The following CMIP variants were observed in gnomAD, a reference collection of about 807,000 sequenced individuals.
CMIP encodes C-Maf-inducing protein.
CMIP carries 13 observed loss-of-function variants against 97.3 expected under a neutral mutation model. The observed-to-expected ratio is 0.13, with a 90% CI of 0.09 to 0.21. The LOEUF is 0.21. CMIP is among the 10% of genes least tolerant of loss of function. The pLI is 1.00. For synonymous variants in CMIP, 538 were observed against 436.3 expected (o/e 1.23, Z -2.91); for missense variants, 847 against 1,024.9 (o/e 0.83, Z 2.37).
At chr16:81,603,298 G>A (rs2091688160) in intron 1 of CMIP, 2 of 433,010 alleles carry the variant, frequency 4.6e-6, no homozygotes, top group South Asian at 3.2e-5. Context: ...AGCCAGGATG[G>A]TCTCGATCAA....
intron 16 of CMIP, 39 bp downstream of exon 16, chr16:81,701,839 C>CA (rs775517512): frequency 6.2e-7 from 1 of 1,611,194 alleles, no homozygotes; most frequent in South Asian, 1.1e-5. Flanking sequence ...CCCTGCCCAG[C>CA]AGGCCAGGGG....
chr16:81,607,479 G>T (rs1597140707), intron 1 of CMIP, 88 bp from the exon 2 acceptor site: 10 of 1,529,814 alleles, frequency 6.5e-6, no homozygotes, highest in Non-Finnish European at 8.9e-6. Flanking sequence ...CGCCAGAGGG[G>T]CGATGTTTCC....
At chr16:81,630,273 GC>G (rs2092137548) in intron 3 of CMIP, 1 of 152,276 alleles carries the variant, frequency 6.6e-6, no homozygotes, top group Non-Finnish European at 1.5e-5. Flanking sequence ...AGGAAAACAG[GC>G]TCTTGGTGTC....
At chr16:81,603,530 G>A in intron 1 of CMIP, 1 of 444,920 alleles carries the variant, frequency 2.2e-6, no homozygotes, top group Non-Finnish European at 4.5e-6. Context: ...GTCACAACTT[G>A]TGAACCAATA....
In CMIP at chr16:81,627,280, G is replaced by A. The variant is rs1460502351; in HGVS notation, c.477+6354G>A. Among the ~76,000 whole-genome samples the A allele has an allele frequency of 6.6e-6, 1 of 151,984 alleles. No individual in the cohort carries two copies. Among genetic ancestry groups the A allele is most frequent in the Non-Finnish European group, 1.5e-5 (1 of 67,962 alleles). On this transcript the variant is annotated intron_variant, in intron 3 of 20. Coordinates refer to ENST00000537098, the MANE Select transcript of CMIP (RefSeq NM_198390.3). The surrounding 1 kb of genome is among the most constrained non-coding windows in gnomAD (Gnocchi z 4.6). ...GGGATACTATGAGTATGCTGGTTTG[G>A]AGTGTGTTTCTTTGGGCCTCAGTTT...
chr16:81,693,285 TC>T (rs769624138), intron 12 of CMIP, 101 bp downstream of exon 12: 1 of 1,400,140 alleles, frequency 7.1e-7, no homozygotes, highest in Admixed American at 1.9e-5. Flanking sequence ...CAGTGGTGGC[TC>T]CTCTTGGCAG....
chr16:81,693,617 T>C, intron 13 of CMIP, 130 bp downstream of exon 13: 1 of 971,486 alleles, frequency 1.0e-6, no homozygotes, highest in Non-Finnish European at 1.5e-6. Flanking sequence ...CCATTGCCTG[T>C]GTATAAACAC....
chr16:81,645,621 C>T (rs774847494), intron 3 of CMIP: 1 of 1,535,396 alleles, frequency 6.5e-7, no homozygotes, highest in Non-Finnish European at 8.7e-7. Flanking sequence ...CCTTGACAAG[C>T]AGAGAGGGTG....
intron 1 of CMIP, among the ~76,000 whole-genome samples, chr16:81,570,787 C>G (rs1444854543): frequency 1.3e-5 from 2 of 152,180 alleles, no homozygotes; most frequent in East Asian, 1.9e-4. Context: ...CCAATCCAAG[C>G]CTTTGGGTCG....
At chr16:81,506,462 TG>T (rs2089710832) in intron 1 of CMIP, among the ~76,000 whole-genome samples, 1 of 152,262 alleles carries the variant, frequency 6.6e-6, no homozygotes, top group Non-Finnish European at 1.5e-5. Context: ...TGCAATTTAT[TG>T]TTTTTTAAAG....
At chr16:81,532,116 C>T (rs139848155) in intron 1 of CMIP, among the ~76,000 whole-genome samples, 3 of 152,342 alleles carry the variant, frequency 2.0e-5, no homozygotes, top group East Asian at 1.9e-4. Flanking sequence ...CCAAGGACAG[C>T]TAAAGAAGCG....
intron 1 of CMIP, among the ~76,000 whole-genome samples, chr16:81,491,130 C>G (rs537948096): frequency 2.0e-5 from 3 of 152,158 alleles, no homozygotes; most frequent in South Asian, 4.1e-4. Flanking sequence ...CATGTGGGGT[C>G]TGGCCATTAC....
At position 81,700,094 on chromosome 16, in the gene CMIP, C is replaced by T. The variant is rs182035035; in HGVS notation, c.1755+293C>T. 8.5e-5 allele frequency among the ~76,000 whole-genome samples: 13 copies of T among 152,272 alleles called. No homozygotes were observed. The East Asian group carries it at 2.3e-3, about 27-fold the overall frequency. On this transcript the variant is annotated intron_variant, in intron 15 of 20. Transcript: ENST00000537098. ...CTAAGTGAGGGCTTTAAAACAAGAT[C>T]GTTCATTTCTTTTGCACATGGGCAT...
chr16:81,582,138 A>G (rs1270600376), intron 1 of CMIP, among the ~76,000 whole-genome samples: 2 of 152,120 alleles, frequency 1.3e-5, no homozygotes, highest in Non-Finnish European at 2.9e-5. Context: ...GAGGGATGGT[A>G]TTAAATCCTG....
intron 10 of CMIP, among the ~76,000 whole-genome samples, chr16:81,683,902 A>G (rs902901713): frequency 1.1e-4 from 17 of 149,402 alleles, no homozygotes; most frequent in Non-Finnish European, 2.5e-4. Flanking sequence ...GCTGGGATAC[A>G]GGCATCTACC....
At position 81,711,563 on chromosome 16, in the gene CMIP, A is replaced by G. The variant is rs1317979742; in HGVS notation, c.*1764A>G. ...ACAGCACTCTGGTGCGGGAAGAAGC[A>G]GAAGCAAAAAAAATAAAAATAAAAA... On this transcript the variant is annotated 3_prime_UTR_variant, in exon 21 of 21. Coordinates refer to ENST00000537098, the MANE Select transcript of CMIP (RefSeq NM_198390.3). 1 of 150,746 alleles carries G rather than the reference A, an allele frequency of 6.6e-6. No individual in the cohort carries two copies. Among genetic ancestry groups the G allele is most frequent in the Non-Finnish European group, 1.5e-5 (1 of 67,782 alleles). 9.3% of individuals were successfully genotyped at this position (150,746 alleles called of 1,614,324 possible). A position where few individuals can be genotyped will look rare whatever the true frequency, so the allele number is the denominator to read the frequency against.
At chr16:81,568,619 T>C (rs954481558) in intron 1 of CMIP, among the ~76,000 whole-genome samples, 10 of 152,212 alleles carry the variant, frequency 6.6e-5, no homozygotes, top group African/African-American at 2.2e-4. Context: ...TGGAAACTTT[T>C]ACATTTGTTT....
chr16:81,536,859 C>T (rs1468293740), intron 1 of CMIP, among the ~76,000 whole-genome samples: 2 of 152,112 alleles, frequency 1.3e-5, no homozygotes, highest in African/African-American at 2.4e-5. Flanking sequence ...TCAGCACGCA[C>T]GTGTAACCAG....
At chr16:81,658,064 C>T (rs1327933699) in intron 5 of CMIP, among the ~76,000 whole-genome samples, 2 of 152,218 alleles carry the variant, frequency 1.3e-5, no homozygotes, top group African/African-American at 4.8e-5. Flanking sequence ...TAATCGCCTC[C>T]TCCTTCCTGC....
Sources: allele counts gnomAD v4.1 joint callset (sites outside exome capture counted in the v4.1 genomes callset), GRCh38; gene constraint gnomAD v4.1.1; non-coding constraint Gnocchi (gnomAD v3.1); transcripts MANE v1.5; gene names NCBI Gene and HGNC (gene_info 2026-07-23, HGNC 2026-07-21).